ALDH1A3: variants seen among roughly 807,000 people sequenced by gnomAD.
ALDH1A3 encodes aldehyde dehydrogenase 1 family member A3.
In ALDH1A3, 28 loss-of-function variants were observed where a neutral mutation model predicts 57.5. The ratio of observed to expected loss-of-function variants is 0.49; its 90% CI spans 0.36 to 0.67. The LOEUF is 0.67. Ranked by LOEUF, ALDH1A3 falls within the 30% of genes least tolerant of loss-of-function variation. The pLI is 0.00. For missense variants in ALDH1A3, 507 were observed against 669.4 expected, an observed-to-expected ratio of 0.76 and a Z score of 2.68; for synonymous variants, 281 against 264.8, an observed-to-expected ratio of 1.06 and a Z score of -0.59.
chr15:100,883,018 C>T (rs1033260223), intron 1 of ALDH1A3, among the ~76,000 whole-genome samples: 7 of 152,068 alleles, frequency 4.6e-5, no homozygotes, highest in Non-Finnish European at 1.0e-4. Flanking sequence ...TTGCTGGTTA[C>T]AGATCAATGT....
intron 6 of ALDH1A3, 126 bp from the exon 7 acceptor site, chr15:100,895,807 G>C (rs1017175202): frequency 5.0e-6 from 4 of 803,120 alleles, no homozygotes; most frequent in East Asian, 2.7e-5. Flanking sequence ...CTGGGTCCTG[G>C]GTAAATCCAG....
chr15:100,911,964 T>G (rs2041886832), intron 12 of ALDH1A3, among the ~76,000 whole-genome samples: 1 of 152,250 alleles, frequency 6.6e-6, no homozygotes. Flanking sequence ...ACTTTTAGAG[T>G]GTATTGTGCA....
intron 8 of ALDH1A3, 52 bp downstream of exon 8, chr15:100,898,237 C>A: frequency 6.7e-7 from 1 of 1,498,288 alleles, no homozygotes; most frequent in South Asian, 1.2e-5. Flanking sequence ...ATCCATCTGT[C>A]TCCCCCTACT....
rs1425470624 is a variant in ALDH1A3, at chr15:100,896,042, C to A, written c.776C>A (p.Thr259Lys). Reference protein sequence around the residue: ...QINKIAFTGSTEVGKLVKEAA... With the variant: ...QINKIAFTGSKEVGKLVKEAA... ...AACAAGATCGCCTTCACCGGCTCCA[C>A]AGAGGTAACCCTCCTCACAGGGTGC... is the stretch of plus-strand genomic sequence containing the variant. Residue 259 changes from threonine (T) to lysine (K), a missense_variant, in exon 7 of 13, where the codon ACA becomes AAA. Coordinates refer to ENST00000329841, the MANE Select transcript of ALDH1A3 (RefSeq NM_000693.4). 4 of 1,607,078 alleles carry A rather than the reference C, an allele frequency of 2.5e-6. No homozygotes were observed. Among genetic ancestry groups the A allele is most frequent in the Non-Finnish European group, 3.4e-6 (4 of 1,176,532 alleles).
intron 7 of ALDH1A3, among the ~76,000 whole-genome samples, chr15:100,897,499 G>A (rs182115545): frequency 6.1e-4 from 93 of 152,348 alleles, no homozygotes; most frequent in African/African-American, 2.1e-3. Flanking sequence ...TGCTCATAGC[G>A]CACCCCTTCA....
At chr15:100,908,829 A>G (rs1482194523) in intron 12 of ALDH1A3, among the ~76,000 whole-genome samples, 1 of 152,184 alleles carries the variant, frequency 6.6e-6, no homozygotes, top group Non-Finnish European at 1.5e-5. Context: ...GGGTGTCATT[A>G]TTCACACAAC....
chr15:100,909,630 C>T (rs1735104080), intron 12 of ALDH1A3, among the ~76,000 whole-genome samples: 1 of 152,204 alleles, frequency 6.6e-6, no homozygotes, highest in Non-Finnish European at 1.5e-5. Context: ...GCAAACCCCT[C>T]CACACTTCCT....
intron 2 of ALDH1A3, among the ~76,000 whole-genome samples, chr15:100,886,241 G>C (rs1203583691): frequency 2.0e-5 from 3 of 152,222 alleles, no homozygotes; most frequent in African/African-American, 7.2e-5. Context: ...CCTCATGACA[G>C]TTAGGCTCTG....
At chr15:100,881,531 T>C (rs2041547956) in intron 1 of ALDH1A3, 1 of 152,254 alleles carries the variant, frequency 6.6e-6, no homozygotes, top group Admixed American at 6.5e-5. Flanking sequence ...TTGAGTCCTA[T>C]CAGCAATCTG....
chr15:100,884,192 C>A (rs2141546327), intron 1 of ALDH1A3, among the ~76,000 whole-genome samples: 1 of 152,294 alleles, frequency 6.6e-6, no homozygotes, highest in East Asian at 1.9e-4. Flanking sequence ...CAGCCGGGGA[C>A]CTCCGTGCTG....
At chr15:100,907,089 CCT>C (rs1160983627) in intron 10 of ALDH1A3, 30 bp from the exon 11 acceptor site, 14 of 1,605,692 alleles carry the variant, frequency 8.7e-6, no homozygotes, top group Non-Finnish European at 1.1e-5. Flanking sequence ...TTCAGTCATG[CCT>C]CTCATTGCCA....
In ALDH1A3 at chr15:100,887,779, G is replaced by A. The variant is rs925227990; in HGVS notation, c.345+67G>A. 6.7e-7 allele frequency: 1 copy of A among 1,490,838 alleles called. No homozygotes were observed. The allele number at this position is 1,490,838 out of a possible 1,614,324, so 92.4% of individuals were successfully genotyped here. A position where few individuals can be genotyped will look rare whatever the true frequency, so the allele number is the denominator to read the frequency against. On this transcript the variant is annotated intron_variant, in intron 3 of 12. Transcript: ENST00000329841. This position sits in a 1 kb window ranked among gnomAD's most constrained non-coding sequence, Gnocchi z 4.6. ...CTCACTGAGGGTCCTGTCCACCATG[G>A]GGTATGGGAAAAAAGATCACGGTCC...
intron 12 of ALDH1A3, among the ~76,000 whole-genome samples, chr15:100,911,410 A>AAAAT (rs2041882792): frequency 6.6e-6 from 1 of 152,172 alleles, no homozygotes; most frequent in African/African-American, 2.4e-5. Context: ...TAGTAACCAA[A>AAAAT]AAATCTACGC....
chr15:100,889,602 G>A lies in ALDH1A3; in HGVS notation c.345+1890G>A, dbSNP rs72763099. On this transcript the variant is annotated intron_variant, in intron 3 of 12. Coordinates refer to ENST00000329841, the MANE Select transcript of ALDH1A3 (RefSeq NM_000693.4). The surrounding 1 kb of genome is among the most constrained non-coding windows in gnomAD (Gnocchi z 5.1). ...TCGGCAATGTCCGTGTGGACTAATA[G>A]CAGGCTAGAGAGGATGTGCCCTGGG... is the stretch of plus-strand genomic sequence containing the variant. 7.9e-4 allele frequency among the ~76,000 whole-genome samples: 121 copies of A among 152,338 alleles called. No individual in the cohort carries two copies. Among genetic ancestry groups the A allele is most frequent in the Non-Finnish European group, 1.6e-3 (108 of 68,032 alleles).
intron 9 of ALDH1A3, among the ~76,000 whole-genome samples, chr15:100,903,825 C>T (rs149163898): frequency 2.1e-4 from 32 of 152,278 alleles, no homozygotes; most frequent in African/African-American, 7.0e-4. Flanking sequence ...ATGTGCTTTG[C>T]GTATTTTTCT....
intron 7 of ALDH1A3, among the ~76,000 whole-genome samples, chr15:100,896,404 T>C (rs914324375): frequency 2.0e-5 from 3 of 150,918 alleles, no homozygotes; most frequent in Non-Finnish European, 4.4e-5. Context: ...AAAGTGCTCC[T>C]ACAAGTCAAT....
intron 3 of ALDH1A3, among the ~76,000 whole-genome samples, chr15:100,890,427 C>T (rs141783505): frequency 4.6e-5 from 7 of 152,180 alleles, no homozygotes; most frequent in Admixed American, 1.3e-4. Flanking sequence ...AATAATTTCC[C>T]GTCTAAACCT....
At chr15:100,914,654 C>G (rs760156148) in intron 12 of ALDH1A3, 47 bp from the exon 13 acceptor site, 4 of 1,565,104 alleles carry the variant, frequency 2.6e-6, no homozygotes, top group Non-Finnish European at 3.5e-6. Flanking sequence ...TACACAATGG[C>G]TAAGGGATGT....
chr15:100,902,944 C>G (rs114876247), intron 9 of ALDH1A3, among the ~76,000 whole-genome samples: 2 of 152,182 alleles, frequency 1.3e-5, no homozygotes, highest in African/African-American at 4.8e-5. Flanking sequence ...CCCTTTTGGC[C>G]CCTCAGGGAG....
Sources: allele counts gnomAD v4.1 joint callset (sites outside exome capture counted in the v4.1 genomes callset), GRCh38; gene constraint gnomAD v4.1.1; non-coding constraint Gnocchi (gnomAD v3.1); transcripts MANE v1.5; gene names NCBI Gene and HGNC (gene_info 2026-07-23, HGNC 2026-07-21).